ADGRL3: variants seen among roughly 807,000 people sequenced by gnomAD.
The protein encoded by ADGRL3 is calcium-independent alpha-latrotoxin receptor 3.
ADGRL3 carries 62 observed loss-of-function variants against 153.5 expected under a neutral mutation model. That is an observed-to-expected ratio of 0.40 (90% CI 0.33 to 0.50). The LOEUF (loss-of-function observed/expected upper bound fraction) is 0.50, where lower values mean the gene tolerates loss of function less well. ADGRL3 is among the 20% of genes least tolerant of loss of function. The probability of loss-of-function intolerance (pLI) is 0.47; values close to 1 mark genes in which losing one functional copy is unlikely to be tolerated. For missense variants in ADGRL3, 1,641 were observed against 1,859.4 expected, an observed-to-expected ratio of 0.88 and a Z score of 2.16; for synonymous variants, 710 against 672.5, an observed-to-expected ratio of 1.06 and a Z score of -0.86.
At chr4:61,499,575 G>A (rs1226888289) in intron 3 of ADGRL3, among the ~76,000 whole-genome samples, 2 of 152,160 alleles carry the variant, frequency 1.3e-5, no homozygotes, top group South Asian at 4.1e-4. Context: ...ATGTAGTACA[G>A]TGCATAGAAA....
chr4:61,581,976 A>C (rs6817476), intron 4 of ADGRL3, among the ~76,000 whole-genome samples: 98,492 of 151,872 alleles, frequency 0.65, 34,142 homozygotes, highest in East Asian at 0.92. Context: ...GTAAAAAATT[A>C]TTTGATAGAT....
chr4:61,721,625 G>C (rs147825666), intron 6 of ADGRL3, among the ~76,000 whole-genome samples: 2 of 152,260 alleles, frequency 1.3e-5, no homozygotes, highest in Non-Finnish European at 2.9e-5. Flanking sequence ...GAACAATACT[G>C]TATATTCTTA....
Position 61,350,925 on chromosome 4 carries a change from A to G in ADGRL3, c.-239-32199A>G, listed in dbSNP as rs1382419883. On this transcript the variant is annotated intron_variant, in intron 1 of 26. Coordinates refer to ENST00000683033, the MANE Select transcript of ADGRL3 (RefSeq NM_001387552.1). ...AATGACCTCTAAGTGTTGAAGTGAA[A>G]GGAAGAATTGCACCTCACTTGAAAT... Among the ~76,000 whole-genome samples the G allele has an allele frequency of 1.3e-5, 2 of 152,188 alleles. 1 individual carries two copies. Among genetic ancestry groups the G allele is most frequent in the Non-Finnish European group, 2.9e-5 (2 of 68,032 alleles).
intron 13 of ADGRL3, among the ~76,000 whole-genome samples, chr4:61,923,360 A>G (rs1187445503): frequency 6.7e-6 from 1 of 148,792 alleles, no homozygotes; most frequent in East Asian, 1.9e-4. Flanking sequence ...CATTCCACCT[A>G]CTGTCTGAGT....
At chr4:61,504,945 A>C (rs937470253) in intron 3 of ADGRL3, among the ~76,000 whole-genome samples, 7 of 152,258 alleles carry the variant, frequency 4.6e-5, no homozygotes, top group African/African-American at 1.4e-4. Flanking sequence ...TCTTCAAAAT[A>C]CTTATTTTCT....
At chr4:61,573,996 A>G (rs1275455899) in intron 4 of ADGRL3, among the ~76,000 whole-genome samples, 1 of 152,024 alleles carries the variant, frequency 6.6e-6, no homozygotes, top group Non-Finnish European at 1.5e-5. Context: ...ATGTTGAAAA[A>G]TACATTCATA....
chr4:61,511,764 T>G (rs548267697), intron 3 of ADGRL3, among the ~76,000 whole-genome samples: 2 of 152,248 alleles, frequency 1.3e-5, no homozygotes, highest in South Asian at 2.1e-4. Context: ...TTGTTACTAC[T>G]TAGCTTAGCT....
intron 5 of ADGRL3, among the ~76,000 whole-genome samples, chr4:61,597,673 A>G (rs1055829728): frequency 3.7e-5 from 5 of 136,188 alleles, no homozygotes. Context: ...TTTTTTTTTT[A>G]CTTTTACAAC....
chr4:61,705,263 G>A (rs1198265344), intron 6 of ADGRL3, among the ~76,000 whole-genome samples: 2 of 151,968 alleles, frequency 1.3e-5, no homozygotes, highest in African/African-American at 4.8e-5. Flanking sequence ...GCTACAGAAT[G>A]AATATTGTGT....
At position 61,983,326 on chromosome 4, in the gene ADGRL3, G is replaced by T. The variant is rs142790460; in HGVS notation, c.3016-57G>T. On this transcript the variant is annotated intron_variant, in intron 18 of 26. Coordinates refer to ENST00000683033, the MANE Select transcript of ADGRL3 (RefSeq NM_001387552.1). ...AAATATTTAATTTGGTTTTATGGCA[G>T]TTGACTAGTATCCCATGTGGTAGAG... 3 of 1,365,382 alleles carry T rather than the reference G, an allele frequency of 2.2e-6. No homozygotes were observed. The African/African-American group carries it at 4.3e-5, about 20-fold the overall frequency. 84.6% of individuals were successfully genotyped at this position (1,365,382 alleles called of 1,614,324 possible).
At chr4:61,826,545 G>A (rs1338529858) in intron 9 of ADGRL3, among the ~76,000 whole-genome samples, 4 of 152,156 alleles carry the variant, frequency 2.6e-5, no homozygotes, top group Non-Finnish European at 4.4e-5. Flanking sequence ...AGAGGATGTA[G>A]GTGGGACCTA....
intron 1 of ADGRL3, among the ~76,000 whole-genome samples, chr4:61,326,485 C>T (rs1018125732): frequency 2.0e-5 from 3 of 150,318 alleles, no homozygotes; most frequent in African/African-American, 7.3e-5. Flanking sequence ...TACAATTTGT[C>T]GTTTAGTGTG....
At chr4:61,742,030 G>A (rs1184303116) in intron 8 of ADGRL3, among the ~76,000 whole-genome samples, 2 of 152,144 alleles carry the variant, frequency 1.3e-5, no homozygotes, top group African/African-American at 4.8e-5. Flanking sequence ...TCCACCAGAG[G>A]GCAGGCAGGT....
chr4:61,445,558 T>C (rs1320034176), intron 2 of ADGRL3, among the ~76,000 whole-genome samples: 1 of 152,148 alleles, frequency 6.6e-6, no homozygotes, highest in Non-Finnish European at 1.5e-5. Flanking sequence ...GGCAATGAGG[T>C]AATGGAGCAG....
chr4:61,504,682 T>C (rs1452241121), intron 3 of ADGRL3, among the ~76,000 whole-genome samples: 1 of 152,196 alleles, frequency 6.6e-6, no homozygotes, highest in Non-Finnish European at 1.5e-5. Flanking sequence ...CATCCTCTGG[T>C]AACCATCATT....
chr4:61,814,498 T>C (rs560729455), intron 9 of ADGRL3, among the ~76,000 whole-genome samples: 2 of 152,244 alleles, frequency 1.3e-5, no homozygotes, highest in South Asian at 4.2e-4. Context: ...TAAATAAATA[T>C]TTACCAATGA....
intron 5 of ADGRL3, among the ~76,000 whole-genome samples, chr4:61,664,864 C>A (rs1259625505): frequency 6.6e-6 from 1 of 152,056 alleles, no homozygotes; most frequent in Non-Finnish European, 1.5e-5. Context: ...TACCACAAAC[C>A]CATCCTCTAA....
chr4:61,636,300 A>C (rs532989542), intron 5 of ADGRL3, among the ~76,000 whole-genome samples: 27 of 152,342 alleles, frequency 1.8e-4, no homozygotes, highest in African/African-American at 6.3e-4. Context: ...AATCAATAGA[A>C]TCAGAGGTAG....
intron 3 of ADGRL3, among the ~76,000 whole-genome samples, chr4:61,511,011 A>G (rs956873178): frequency 6.6e-6 from 1 of 151,662 alleles, no homozygotes; most frequent in Non-Finnish European, 1.5e-5. Context: ...TAGATTTTTT[A>G]TTTTCTTGAT....
Sources: allele counts gnomAD v4.1 joint callset (sites outside exome capture counted in the v4.1 genomes callset), GRCh38; gene constraint gnomAD v4.1.1; transcripts MANE v1.5; gene names NCBI Gene and HGNC (gene_info 2026-07-23, HGNC 2026-07-21).